Variants in SACM1L observed in about 807,000 individuals in gnomAD.
The protein encoded by SACM1L is phosphatidylinositol-3-phosphatase SAC1.
SACM1L carries 32 observed loss-of-function variants against 89.5 expected under a neutral mutation model. The ratio of observed to expected loss-of-function variants is 0.36; its 90% CI spans 0.27 to 0.48. The LOEUF is 0.48. Among genes scored for constraint, SACM1L ranks in the 20% least tolerant of loss-of-function variants. SACM1L has a pLI of 0.99. For missense variants in SACM1L, 543 were observed against 708.5 expected (o/e 0.77, Z 2.65); for synonymous variants, 213 against 232.8 (o/e 0.92, Z 0.77).
Position 45,714,055 on chromosome 3 carries a change from T to C in SACM1L, c.553T>C (p.Phe185Leu). The change falls in exon 7 of 20, where the codon TTT (phenylalanine) becomes CTT (leucine). Residue 185 changes from phenylalanine to leucine, a missense_variant. This residue lies in a region of SACM1L where 370 missense variants were observed against 527.6 expected (regional missense o/e 0.70). Coordinates refer to ENST00000389061, the MANE Select transcript of SACM1L (RefSeq NM_014016.5). ...ELSAQPEVHR[F>L]ALPVLHGFIT... is the part of the protein sequence containing the mutation. The stretch of plus-strand genomic sequence containing the variant: ...TATATCTTCATTTCAGGTTCATCGG[T>C]TTGCCCTTCCAGTGTTACATGGCTG... 1 of 1,539,544 alleles carries C rather than the reference T, an allele frequency of 6.5e-7. No homozygotes were observed. Among genetic ancestry groups the C allele is most frequent in the South Asian group, 1.2e-5 (1 of 81,352 alleles).
At chr3:45,732,319 T>A (rs1050451527) in intron 13 of SACM1L, among the ~76,000 whole-genome samples, 168 bp downstream of exon 13, 1 of 152,216 alleles carries the variant, frequency 6.6e-6, no homozygotes, top group Non-Finnish European at 1.5e-5. Context: ...TGAGACTTGG[T>A]GACTTCAAAA....
chr3:45,731,424 T>C, intron 12 of SACM1L, 44 bp downstream of exon 12: 1 of 1,306,992 alleles, frequency 7.7e-7, no homozygotes, highest in East Asian at 2.3e-5. Context: ...AGATCAGATG[T>C]GCACTTACAT....
At chr3:45,725,374 T>C (rs1698894655) in intron 11 of SACM1L, among the ~76,000 whole-genome samples, 1 of 152,172 alleles carries the variant, frequency 6.6e-6, no homozygotes, top group Non-Finnish European at 1.5e-5. Flanking sequence ...TTTTGCAGTT[T>C]TCAGTGTACA....
chr3:45,739,678 G>A, intron 19 of SACM1L, 34 bp downstream of exon 19: 1 of 1,595,674 alleles, frequency 6.3e-7, no homozygotes, highest in Non-Finnish European at 8.6e-7. Context: ...TTCTTAGTTA[G>A]AATGTTGACC....
chr3:45,693,796 CAG>C (rs1575380869), intron 1 of SACM1L, among the ~76,000 whole-genome samples: 1 of 152,116 alleles, frequency 6.6e-6, no homozygotes, highest in South Asian at 2.1e-4. Flanking sequence ...ATGTGGAAAA[CAG>C]AATATTGATT....
Position 45,697,859 on chromosome 3 carries a change from G to GTA in SACM1L, c.33-5576_33-5575dup, listed in dbSNP as rs907848050. Among the ~76,000 whole-genome samples the GTA allele has an allele frequency of 2.8e-4, 43 of 152,196 alleles. 1 individual carries two copies. The highest frequency in any genetic ancestry group is 3.4e-3 in the Middle Eastern group (1 of 294). On this transcript the variant is annotated intron_variant, in intron 1 of 19. Coordinates refer to ENST00000389061, the MANE Select transcript of SACM1L (RefSeq NM_014016.5). ...TTATATAGGACCAGAACCCTTTTTA[G>GTA]TATACAGTATTACTTTGAACCTTAG...
intron 11 of SACM1L, among the ~76,000 whole-genome samples, chr3:45,727,904 A>G (rs1698961154): frequency 6.6e-6 from 1 of 152,044 alleles, no homozygotes; most frequent in Non-Finnish European, 1.5e-5. Flanking sequence ...CTCTACTATT[A>G]TTATATAATT....
At chr3:45,695,766 A>G (rs1698107417) in intron 1 of SACM1L, among the ~76,000 whole-genome samples, 2 of 152,172 alleles carry the variant, frequency 1.3e-5, no homozygotes, top group Admixed American at 6.5e-5. Context: ...ATCACCATCC[A>G]TCACCAGAAC....
intron 14 of SACM1L, among the ~76,000 whole-genome samples, chr3:45,735,842 C>T (rs1699186559): frequency 6.6e-6 from 1 of 152,178 alleles, no homozygotes; most frequent in South Asian, 2.1e-4. Context: ...TCATTGAACT[C>T]TTCCCAGCAT....
At chr3:45,689,522 G>C (rs1223951413) in intron 1 of SACM1L, 25 bp downstream of exon 1, 7 of 1,563,830 alleles carry the variant, frequency 4.5e-6, no homozygotes, top group African/African-American at 2.7e-5. Flanking sequence ...CCAGAGGCCT[G>C]AGGCGCGGCG....
At chr3:45,729,073 G>GATTTATT (rs1559548929) in intron 11 of SACM1L, among the ~76,000 whole-genome samples, 2 of 151,166 alleles carry the variant, frequency 1.3e-5, no homozygotes, top group Non-Finnish European at 2.9e-5. Flanking sequence ...TACCTTTTTG[G>GATTTATT]ATTTATTTAT....
At chr3:45,694,633 G>A (rs569501250) in intron 1 of SACM1L, among the ~76,000 whole-genome samples, 6 of 152,270 alleles carry the variant, frequency 3.9e-5, no homozygotes, top group South Asian at 4.1e-4. Context: ...TTTTAAGTGC[G>A]TATTCCAGGG....
At chr3:45,712,590 A>G (rs1698554081) in intron 5 of SACM1L, among the ~76,000 whole-genome samples, 1 of 152,154 alleles carries the variant, frequency 6.6e-6, no homozygotes, top group African/African-American at 2.4e-5. Context: ...TGTATTTATG[A>G]AAGTTGGAGT....
chr3:45,718,568 T>C (rs892932439), intron 7 of SACM1L, among the ~76,000 whole-genome samples: 1 of 152,216 alleles, frequency 6.6e-6, no homozygotes. Flanking sequence ...ATTAATTTCA[T>C]TCACAGTGTT....
At chr3:45,716,475 T>C (rs553356863) in intron 7 of SACM1L, among the ~76,000 whole-genome samples, 2 of 152,126 alleles carry the variant, frequency 1.3e-5, no homozygotes, top group Admixed American at 1.3e-4. Flanking sequence ...ACTCAAAAGA[T>C]TTTGGAGAAG....
At chr3:45,725,886 C>T (rs1260627185) in intron 11 of SACM1L, among the ~76,000 whole-genome samples, 2 of 151,868 alleles carry the variant, frequency 1.3e-5, no homozygotes, top group Non-Finnish European at 2.9e-5. Flanking sequence ...TCTAAGTTAT[C>T]CAGTTGAGTG....
At chr3:45,713,221 C>G in intron 6 of SACM1L, 25 bp downstream of exon 6, 1 of 1,579,834 alleles carries the variant, frequency 6.3e-7, no homozygotes, top group Non-Finnish European at 8.6e-7. Context: ...ATAAAATCTG[C>G]TTAATTGTTA....
intron 13 of SACM1L, among the ~76,000 whole-genome samples, chr3:45,734,427 AAG>A (rs1346632733): frequency 1.3e-5 from 2 of 151,872 alleles, no homozygotes; most frequent in African/African-American, 2.4e-5. Context: ...AAAAAAGAAA[AAG>A]AAAAAAAATA....
At chr3:45,743,451 G>A in intron 19 of SACM1L, 82 bp from the exon 20 acceptor site, 1 of 1,427,366 alleles carries the variant, frequency 7.0e-7, no homozygotes, top group Non-Finnish European at 9.4e-7. Flanking sequence ...CTTTAATGTT[G>A]CCAAAATGTG....
Sources: gnomAD v4.1 joint callset for allele counts (sites outside exome capture counted in the v4.1 genomes callset) on GRCh38, gnomAD v4.1.1 for gene constraint, gnomAD v4.1.1 regional missense constraint, MANE v1.5 for transcripts, NCBI Gene and HGNC (gene_info 2026-07-23, HGNC 2026-07-21) for gene names.